C6orf58: variants seen among roughly 807,000 people sequenced by gnomAD.
C6orf58 encodes chromosome 6 open reading frame 58.
In C6orf58, 30 loss-of-function variants were observed where a neutral mutation model predicts 37.0. That is an observed-to-expected ratio of 0.81 (90% CI 0.61 to 1.10). The LOEUF is 1.10. C6orf58 is among the 50% of genes least tolerant of loss of function. The pLI is 0.00. For synonymous variants in C6orf58, 143 were observed against 134.1 expected, an observed-to-expected ratio of 1.07 and a Z score of -0.46; for missense variants, 368 against 387.5, an observed-to-expected ratio of 0.95 and a Z score of 0.42.
intron 4 of C6orf58, among the ~76,000 whole-genome samples, chr6:127,583,016 C>T (rs1209877920): frequency 6.6e-6 from 1 of 151,898 alleles, no homozygotes; most frequent in African/African-American, 2.4e-5. Flanking sequence ...ATTTTTTAAT[C>T]ATTGTATGGT....
intron 4 of C6orf58, 68 bp from the exon 5 acceptor site, chr6:127,590,019 T>G: frequency 2.0e-6 from 2 of 1,013,064 alleles, no homozygotes; most frequent in Non-Finnish European, 3.0e-6. Flanking sequence ...CAATATTTTC[T>G]GAAGGCAATG....
At chr6:127,585,479 C>A (rs537438124) in intron 4 of C6orf58, among the ~76,000 whole-genome samples, 1 of 152,170 alleles carries the variant, frequency 6.6e-6, no homozygotes, top group Admixed American at 6.5e-5. Flanking sequence ...GAAAAACCTT[C>A]GATCTTTTAT....
intron 4 of C6orf58, among the ~76,000 whole-genome samples, chr6:127,585,931 A>C (rs947828159): frequency 7.2e-5 from 11 of 152,164 alleles, no homozygotes; most frequent in African/African-American, 2.4e-4. Context: ...TCTTGAACAA[A>C]ACGAAATATC....
Position 127,591,687 on chromosome 6 carries a change from A to G in C6orf58, c.*65A>G. On this transcript the variant is annotated 3_prime_UTR_variant, in exon 6 of 6. Coordinates refer to ENST00000329722, the MANE Select transcript of C6orf58 (RefSeq NM_001010905.3). Reference sequence around the variant, plus strand: ...AAAAATGAAAAACTCGAACTTGACAATCAGTAATTTCAAAAAATTAATGTC... The same window carrying G: ...AAAAATGAAAAACTCGAACTTGACAGTCAGTAATTTCAAAAAATTAATGTC... The G allele has an allele frequency of 1.5e-6, 2 of 1,357,286 alleles. No homozygotes were observed. Among genetic ancestry groups the G allele is most frequent in the Non-Finnish European group, 1.9e-6 (2 of 1,034,228 alleles). The allele number at this position is 1,357,286 out of a possible 1,614,324, so 84.1% of individuals were successfully genotyped here.
chr6:127,581,296 T>C lies in C6orf58; in HGVS notation c.674+14T>C, dbSNP rs1353091608. On this transcript the variant is annotated intron_variant, in intron 4 of 5. Coordinates refer to ENST00000329722, the MANE Select transcript of C6orf58 (RefSeq NM_001010905.3). ...TTTTGAAGACAGGTAAGAATGAATC[T>C]TTAAAGTATCTCTATTTAATATGAT... 1 of 1,204,532 alleles carries C rather than the reference T, an allele frequency of 8.3e-7. No individual in the cohort carries two copies. Among genetic ancestry groups the C allele is most frequent in the South Asian group, 1.6e-5 (1 of 62,432 alleles). 74.6% of individuals were successfully genotyped at this position (1,204,532 alleles called of 1,614,324 possible).
chr6:127,591,718 G>A lies in C6orf58; in HGVS notation c.*96G>A. On this transcript the variant is annotated 3_prime_UTR_variant, in exon 6 of 6. Coordinates refer to ENST00000329722, the MANE Select transcript of C6orf58 (RefSeq NM_001010905.3). ...AATTTCAAAAAATTAATGTCATCAT[G>A]ACCATGTAGTTTATTCTTTCTGATA... 1.9e-6 allele frequency: 2 copies of A among 1,065,442 alleles called. No homozygotes were observed. Among genetic ancestry groups the A allele is most frequent in the Non-Finnish European group, 2.5e-6 (2 of 805,916 alleles). The allele number at this position is 1,065,442 out of a possible 1,614,324, so 66.0% of individuals were successfully genotyped here.
chr6:127,586,737 T>C (rs1441476331), intron 4 of C6orf58, among the ~76,000 whole-genome samples: 3 of 152,140 alleles, frequency 2.0e-5, no homozygotes, highest in African/African-American at 4.8e-5. Flanking sequence ...GTTAGTATTA[T>C]TGAAGTCAAG....
intron 2 of C6orf58, among the ~76,000 whole-genome samples, chr6:127,579,177 A>G (rs576635438): frequency 1.3e-5 from 2 of 152,224 alleles, no homozygotes; most frequent in South Asian, 4.1e-4. Flanking sequence ...ACCCATAAAC[A>G]TGCCAGAGAT....
intron 2 of C6orf58, 98 bp from the exon 3 acceptor site, chr6:127,580,167 G>T: frequency 2.4e-6 from 2 of 826,922 alleles, no homozygotes; most frequent in Non-Finnish European, 1.9e-6. Flanking sequence ...TAATGTTTCT[G>T]GGTCTGTGAA....
intron 4 of C6orf58, among the ~76,000 whole-genome samples, chr6:127,582,029 A>G (rs921974341): frequency 3.9e-5 from 6 of 151,976 alleles, no homozygotes; most frequent in African/African-American, 2.4e-5. Context: ...ACAATTCCCC[A>G]CCTTTTGGTC....
At chr6:127,579,584 T>C (rs1020072681) in intron 2 of C6orf58, among the ~76,000 whole-genome samples, 2 of 152,088 alleles carry the variant, frequency 1.3e-5, no homozygotes, top group African/African-American at 4.8e-5. Flanking sequence ...GGATGAAATA[T>C]TCTACATCAC....
Position 127,578,780 on chromosome 6 carries a change from C to A in C6orf58, c.388+8C>A. On this transcript the variant is annotated splice_region_variant and intron_variant, in intron 2 of 5. Coordinates refer to ENST00000329722, the MANE Select transcript of C6orf58 (RefSeq NM_001010905.3). ...TGGACAGTTGGTGGGCTGGTATGTT[C>A]GTTTAAGTGGCAAAATAGATATTAA... The A allele has an allele frequency of 6.3e-7, 1 of 1,598,652 alleles. No individual in the cohort carries two copies. The highest frequency in any genetic ancestry group is 8.6e-7 in the Non-Finnish European group (1 of 1,167,454).
At position 127,577,279 on chromosome 6, in the gene C6orf58, C is replaced by T. The variant is rs535962054; in HGVS notation, c.94C>T (p.Leu32=). 1 of 1,613,472 alleles carries T rather than the reference C, an allele frequency of 6.2e-7. No individual in the cohort carries two copies. The highest frequency in any genetic ancestry group is 8.5e-7 in the Non-Finnish European group (1 of 1,179,546). The change falls in exon 1 of 6, where the codon CTG becomes TTG. Residue 32 remains leucine, a synonymous_variant. Coordinates refer to ENST00000329722, the MANE Select transcript of C6orf58 (RefSeq NM_001010905.3). ...CAATCTCTCAGAGACAGAGCCCCCT[C>T]TGTGGAAGGAGAGTCCTGGTCAGCT... The part of the protein sequence containing the change: ...TSNLSETEPP[L]WKESPGQLSD...
Position 127,591,528 on chromosome 6 carries a change from T to C in C6orf58, c.914-15T>C, listed in dbSNP as rs1452905217. 6.6e-7 allele frequency: 1 copy of C among 1,513,302 alleles called. No individual in the cohort carries two copies. The highest frequency in any genetic ancestry group is 2.6e-5 in the East Asian group (1 of 38,664). The allele number at this position is 1,513,302 out of a possible 1,614,324, so 93.7% of individuals were successfully genotyped here. ...TTGCAAGAGTTTACATGTAATCATT[T>C]TGTATCTTTTACAGGTTATCTTTGT... On this transcript the variant is annotated splice_polypyrimidine_tract_variant and intron_variant, in intron 5 of 5. Transcript: ENST00000329722.
intron 2 of C6orf58, 38 bp from the exon 3 acceptor site, chr6:127,580,227 T>G (rs1330700412): frequency 1.4e-6 from 2 of 1,457,320 alleles, no homozygotes; most frequent in Admixed American, 1.8e-5. Flanking sequence ...TGAAATTTGT[T>G]AGTGCTTGTA....
chr6:127,589,391 G>C (rs1159893564), intron 4 of C6orf58, among the ~76,000 whole-genome samples: 1 of 152,178 alleles, frequency 6.6e-6, no homozygotes, highest in African/African-American at 2.4e-5. Context: ...AGCATGCTTA[G>C]ACAGCTCATA....
Position 127,580,328 on chromosome 6 carries a change from T to C in C6orf58, c.452T>C (p.Ile151Thr), listed in dbSNP as rs766884453. The part of the protein sequence containing the change: ...LAAVDSGVMG[I>T]SSDQVRLLPP... ...GCGGTTGATTCTGGTGTAATGGGGA[T>C]ATCATCAGACCAAGTCAGGCTTTTG... The change falls in exon 3 of 6, where the codon ATA becomes ACA. Residue 151 changes from isoleucine to threonine, a missense_variant. Coordinates refer to ENST00000329722, the MANE Select transcript of C6orf58 (RefSeq NM_001010905.3). 6 of 1,613,028 alleles carry C rather than the reference T, an allele frequency of 3.7e-6. No homozygotes were observed. The Admixed American group carries it at 6.7e-5, about 18-fold the overall frequency.
chr6:127,588,357 T>A (rs1775126705), intron 4 of C6orf58, among the ~76,000 whole-genome samples: 1 of 152,194 alleles, frequency 6.6e-6, no homozygotes, highest in Non-Finnish European at 1.5e-5. Flanking sequence ...TAATGAAAGT[T>A]ACATAGCAGA....
At chr6:127,579,535 A>G (rs1775025508) in intron 2 of C6orf58, among the ~76,000 whole-genome samples, 1 of 152,106 alleles carries the variant, frequency 6.6e-6, no homozygotes, top group South Asian at 2.1e-4. Flanking sequence ...TTAGCCTGCT[A>G]CACTGTGGCA....
Sources: allele counts gnomAD v4.1 joint callset (sites outside exome capture counted in the v4.1 genomes callset), GRCh38; gene constraint gnomAD v4.1.1; transcripts MANE v1.5; gene names NCBI Gene and HGNC (gene_info 2026-07-23, HGNC 2026-07-21).